ZNF544: variants seen among roughly 807,000 people sequenced by gnomAD.
ZNF544 encodes the protein zinc finger protein 544.
Under a neutral mutation model 13.5 loss-of-function variants are expected in ZNF544, and 10 were observed. The ratio of observed to expected loss-of-function variants is 0.74; its 90% confidence interval spans 0.46 to 1.25. ZNF544 has a LOEUF of 1.25. ZNF544 is among the 50% of genes most tolerant of loss of function. ZNF544 has a pLI of 0.00. For missense variants in ZNF544, 896 were observed against 845.6 expected, an observed-to-expected ratio of 1.06 and a Z score of -0.74; for synonymous variants, 323 against 300.5, an observed-to-expected ratio of 1.07 and a Z score of -0.77.
chr19:58,243,360 T>C (rs2044330787), intron 3 of ZNF544, among the ~76,000 whole-genome samples: 1 of 151,286 alleles, frequency 6.6e-6, no homozygotes, highest in Non-Finnish European at 1.5e-5. Context: ...TCAAGAGGGT[T>C]TTTGCCAAAC....
At chr19:58,236,316 A>G (rs1218609589) in intron 3 of ZNF544, among the ~76,000 whole-genome samples, 2 of 151,774 alleles carry the variant, frequency 1.3e-5, no homozygotes, top group Non-Finnish European at 2.9e-5. Context: ...CCTAACCAAC[A>G]TGGAGAAACC....
chr19:58,253,786 T>C (rs1307430078), intron 6 of ZNF544, among the ~76,000 whole-genome samples: 1 of 152,222 alleles, frequency 6.6e-6, no homozygotes, highest in Non-Finnish European at 1.5e-5. Context: ...AGGACCATTT[T>C]TTGTTTTGGC....
Position 58,230,393 on chromosome 19 carries a change from G to T in ZNF544, c.-128-1G>T, listed in dbSNP as rs193100119. 1 of 152,406 alleles carries T rather than the reference G, an allele frequency of 6.6e-6. No homozygotes were observed. The highest frequency in any genetic ancestry group is 6.5e-5 in the Admixed American group (1 of 15,294). The allele number at this position is 152,406 out of a possible 1,614,324, so 9.4% of individuals were successfully genotyped here. On this transcript the variant is annotated splice_acceptor_variant, in intron 2 of 6. Transcript: ENST00000687789. LOFTEE classifies it low-confidence loss of function (5UTR_SPLICE). Reference sequence around the variant, plus strand: ...CAAGGCAGGTCTTGCTGTTTTTCCAGATGTCTACGGATGAGGAAACTGAGG... The same window carrying T: ...CAAGGCAGGTCTTGCTGTTTTTCCATATGTCTACGGATGAGGAAACTGAGG...
intron 4 of ZNF544, among the ~76,000 whole-genome samples, chr19:58,244,783 C>G (rs1443234096): frequency 6.6e-6 from 1 of 152,066 alleles, no homozygotes; most frequent in Non-Finnish European, 1.5e-5. Flanking sequence ...TGCCATGTTG[C>G]TCAGGCTGGT....
chr19:58,243,646 T>G (rs919012130), intron 3 of ZNF544, among the ~76,000 whole-genome samples: 1 of 152,100 alleles, frequency 6.6e-6, no homozygotes, highest in Non-Finnish European at 1.5e-5. Context: ...TTATGATCCA[T>G]TGTGATATGC....
At chr19:58,258,404 ACCAGGTGTGAGGGTG>A (rs1214531705) in intron 6 of ZNF544, 4 of 59,232 alleles carry the variant, frequency 6.8e-5, no homozygotes, top group African/African-American at 2.3e-4. Context: ...GTGTGAGGGC[ACCAGGTGTGAGGGTG>A]CTGGTTGCGA....
intron 6 of ZNF544, among the ~76,000 whole-genome samples, chr19:58,250,727 C>G (rs1164808976): frequency 1.3e-5 from 2 of 152,056 alleles, no homozygotes; most frequent in African/African-American, 2.4e-5. Context: ...AGAAAGGGTA[C>G]TCTGATAGTA....
intron 6 of ZNF544, among the ~76,000 whole-genome samples, chr19:58,252,004 C>T (rs1188782255): frequency 6.6e-6 from 1 of 152,142 alleles, no homozygotes; most frequent in African/African-American, 2.4e-5. Context: ...TTTAAGAGAA[C>T]CTTTATAACT....
chr19:58,240,027 G>T (rs11670075), intron 3 of ZNF544, among the ~76,000 whole-genome samples: 45,903 of 151,976 alleles, frequency 0.3, 7,554 homozygotes, highest in Middle Eastern at 0.46. Context: ...TTCTCCAAAC[G>T]ACCATGTGGA....
In ZNF544 at chr19:58,261,920, T is replaced by C. The variant is rs2049042922; in HGVS notation, c.1314T>C (p.Cys438=). ...RIHTGEKPYQ[C]IECRKSFRWN... is the part of the protein sequence containing the mutation. ...ACACTGGAGAAAAACCGTATCAGTG[T>C]ATTGAATGCAGAAAATCCTTCAGGT... The change falls in exon 7 of 7, where the codon TGT becomes TGC. Residue 438 remains cysteine, a synonymous_variant. Coordinates refer to ENST00000687789, the MANE Select transcript of ZNF544 (RefSeq NM_014480.4). The C allele has an allele frequency of 6.2e-7, 1 of 1,613,010 alleles. No homozygotes were observed. The highest frequency in any genetic ancestry group is 1.3e-5 in the African/African-American group (1 of 74,562).
In ZNF544 at chr19:58,254,578, C is replaced by A. The variant is rs541915310; in HGVS notation, c.245-6273C>A. 1.8e-4 allele frequency among the ~76,000 whole-genome samples: 27 copies of A among 152,328 alleles called. No individual in the cohort carries two copies. The South Asian group carries it at 3.7e-3, about 21-fold the overall frequency. On this transcript the variant is annotated intron_variant, in intron 6 of 6. Transcript: ENST00000687789. ...AGAGGATCCCCCTTTGGGGTCCAAT[C>A]TTAGAGTGTCAGACATCTCTGACTT...
At position 58,262,946 on chromosome 19, in the gene ZNF544, C is replaced by T. The variant is rs1427497942; in HGVS notation, c.*192C>T. ...TGATTGTGGGAAAGCCTTCAATGAT[C>T]GCTCAACCCTTAGTAAACACGAGAG... On this transcript the variant is annotated 3_prime_UTR_variant, in exon 7 of 7. Coordinates refer to ENST00000687789, the MANE Select transcript of ZNF544 (RefSeq NM_014480.4). 1.0e-5 allele frequency: 14 copies of T among 1,403,868 alleles called. No homozygotes were observed. In the Admixed American group the frequency reaches 1.2e-4, roughly 12 times the overall value. 87.0% of individuals were successfully genotyped at this position (1,403,868 alleles called of 1,614,324 possible).
chr19:58,274,913 A>C (rs1402706555), intron 5 of ZNF544, among the ~76,000 whole-genome samples: 1 of 152,108 alleles, frequency 6.6e-6, no homozygotes, highest in Non-Finnish European at 1.5e-5. Flanking sequence ...AACCCAAACG[A>C]CAACTAAAAC....
intron 6 of ZNF544, chr19:58,258,583 T>C (rs1281613528): frequency 9.3e-6 from 1 of 106,972 alleles, no homozygotes; most frequent in African/African-American, 3.6e-5. Flanking sequence ...GGTGTGAGGG[T>C]GCTGGGTGTG....
intron 6 of ZNF544, chr19:58,257,907 T>C (rs1340130984): frequency 6.6e-6 from 1 of 152,260 alleles, no homozygotes; most frequent in Non-Finnish European, 1.5e-5. Context: ...TTTATCTGAA[T>C]TTTTCTCGTG....
chr19:58,256,535 T>G (rs1568488932), intron 6 of ZNF544, among the ~76,000 whole-genome samples: 1 of 152,142 alleles, frequency 6.6e-6, no homozygotes, highest in Non-Finnish European at 1.5e-5. Context: ...TACAGAGAGA[T>G]AAACAACTTA....
chr19:58,273,485 T>TA (rs1376544366), intron 5 of ZNF544, among the ~76,000 whole-genome samples: 2 of 151,930 alleles, frequency 1.3e-5, no homozygotes, highest in East Asian at 2.0e-4. Context: ...GGTCAGGAGA[T>TA]AGAGACCCGC....
chr19:58,236,108 G>A (rs969659754), intron 3 of ZNF544, among the ~76,000 whole-genome samples: 7 of 151,802 alleles, frequency 4.6e-5, no homozygotes, highest in South Asian at 2.1e-4. Context: ...AGTGGCTCAT[G>A]CCTGTAATCC....
At chr19:58,240,726 C>T (rs1198414720) in intron 3 of ZNF544, among the ~76,000 whole-genome samples, 1 of 151,628 alleles carries the variant, frequency 6.6e-6, no homozygotes, top group Non-Finnish European at 1.5e-5. Flanking sequence ...CGTGCTACCA[C>T]ACTCCAGCCT....
Sources: gnomAD v4.1 joint callset for allele counts (sites outside exome capture counted in the v4.1 genomes callset) on GRCh38, gnomAD v4.1.1 for gene constraint, MANE v1.5 for transcripts, NCBI Gene and HGNC (gene_info 2026-07-23, HGNC 2026-07-21) for gene names.